HS3ST4: variants seen among roughly 807,000 people sequenced by gnomAD.
The protein encoded by HS3ST4 is heparan sulfate-glucosamine 3-sulfotransferase 4.
HS3ST4 carries 17 observed loss-of-function variants against 29.2 expected under a neutral mutation model. The observed-to-expected ratio is 0.58, with a 90% CI of 0.40 to 0.87. The LOEUF is 0.87. Ranked by LOEUF, HS3ST4 falls within the 40% of genes least tolerant of loss-of-function variation. The pLI is 0.00. For synonymous variants in HS3ST4, 314 were observed against 285.7 expected, an observed-to-expected ratio of 1.10 and a Z score of -1.00; for missense variants, 627 against 634.5, an observed-to-expected ratio of 0.99 and a Z score of 0.13.
At chr16:26,102,633 T>C (rs1325284127) in intron 1 of HS3ST4, among the ~76,000 whole-genome samples, 1 of 152,190 alleles carries the variant, frequency 6.6e-6, no homozygotes, top group East Asian at 1.9e-4. Flanking sequence ...ACAATTGCCA[T>C]GCATTATGTC....
At chr16:25,743,585 A>G (rs1966668112) in intron 1 of HS3ST4, among the ~76,000 whole-genome samples, 2 of 152,028 alleles carry the variant, frequency 1.3e-5, no homozygotes, top group South Asian at 2.1e-4. Context: ...GGCTCACTAC[A>G]ACCTCTGCCT....
intron 1 of HS3ST4, among the ~76,000 whole-genome samples, chr16:26,109,584 C>T (rs1378580728): frequency 6.6e-6 from 1 of 151,050 alleles, no homozygotes; most frequent in East Asian, 2.0e-4. Context: ...GTCCATCACC[C>T]CACACCTCTA....
At chr16:25,874,325 T>C (rs775898320) in intron 1 of HS3ST4, among the ~76,000 whole-genome samples, 7 of 152,276 alleles carry the variant, frequency 4.6e-5, no homozygotes, top group Non-Finnish European at 8.8e-5. Context: ...GTTATTCTCA[T>C]TTTCTAAGTG....
chr16:25,927,106 T>C (rs1234772431), intron 1 of HS3ST4, among the ~76,000 whole-genome samples: 18 of 152,174 alleles, frequency 1.2e-4, no homozygotes, highest in Non-Finnish European at 2.5e-4. Context: ...ACTAACTTAG[T>C]GTGAAACTGT....
intron 1 of HS3ST4, among the ~76,000 whole-genome samples, chr16:25,845,041 C>T (rs1967450768): frequency 6.6e-6 from 1 of 151,498 alleles, no homozygotes; most frequent in Non-Finnish European, 1.5e-5. Flanking sequence ...ACACTGAGGC[C>T]TGTTGGGGGG....
chr16:25,928,986 G>A (rs1211942201), intron 1 of HS3ST4, among the ~76,000 whole-genome samples: 3 of 152,132 alleles, frequency 2.0e-5, no homozygotes, highest in Admixed American at 2.0e-4. Context: ...GAAAGGCTTT[G>A]GTCCAAGGTG....
chr16:25,912,473 G>A (rs567229305), intron 1 of HS3ST4, among the ~76,000 whole-genome samples: 8 of 142,340 alleles, frequency 5.6e-5, no homozygotes, highest in Non-Finnish European at 1.1e-4. Context: ...GGCTGAGTCA[G>A]CAGGAGCACT....
intron 1 of HS3ST4, among the ~76,000 whole-genome samples, chr16:25,859,779 C>T (rs1300160116): frequency 6.6e-6 from 1 of 152,156 alleles, no homozygotes; most frequent in Non-Finnish European, 1.5e-5. Flanking sequence ...CATCATATGT[C>T]ATTCAGGAAT....
intron 1 of HS3ST4, among the ~76,000 whole-genome samples, chr16:26,103,890 C>A (rs975736028): frequency 6.6e-6 from 1 of 152,138 alleles, no homozygotes; most frequent in African/African-American, 2.4e-5. Context: ...AACACCCACA[C>A]CAATATAGAG....
intron 1 of HS3ST4, among the ~76,000 whole-genome samples, chr16:25,980,019 A>T (rs1257298527): frequency 6.6e-6 from 1 of 152,132 alleles, no homozygotes; most frequent in Admixed American, 6.5e-5. Context: ...CCCTCAGATC[A>T]TCTCACTACC....
At chr16:25,926,522 T>C (rs2141685249) in intron 1 of HS3ST4, among the ~76,000 whole-genome samples, 1 of 152,350 alleles carries the variant, frequency 6.6e-6, no homozygotes, top group East Asian at 1.9e-4. Flanking sequence ...CAAACTTTAA[T>C]ACTATCTCTC....
At chr16:25,951,192 G>A (rs1290997515) in intron 1 of HS3ST4, among the ~76,000 whole-genome samples, 1 of 152,194 alleles carries the variant, frequency 6.6e-6, no homozygotes, top group African/African-American at 2.4e-5. Flanking sequence ...TCAGCAGCAG[G>A]CATTCCTACA....
chr16:25,820,590 GTTGTTTATT>G (rs1967143451), intron 1 of HS3ST4, among the ~76,000 whole-genome samples: 2 of 151,638 alleles, frequency 1.3e-5, no homozygotes, highest in Non-Finnish European at 2.9e-5. Context: ...TGTTGTTGTT[GTTGTTTATT>G]TTTATTTTTA....
chr16:25,745,953 A>G (rs1293189290), intron 1 of HS3ST4, among the ~76,000 whole-genome samples: 1 of 152,226 alleles, frequency 6.6e-6, no homozygotes, highest in Non-Finnish European at 1.5e-5. Flanking sequence ...TGTCCACTGC[A>G]TACAGGCTTC....
At chr16:25,775,058 C>T (rs753566622) in intron 1 of HS3ST4, among the ~76,000 whole-genome samples, 13 of 152,278 alleles carry the variant, frequency 8.5e-5, no homozygotes, top group Middle Eastern at 3.4e-3. Context: ...GAGTCGCTGT[C>T]GCACCCACCA....
chr16:26,057,964 A>T (rs1023789376), intron 1 of HS3ST4, among the ~76,000 whole-genome samples: 1 of 150,150 alleles, frequency 6.7e-6, no homozygotes, highest in Non-Finnish European at 1.5e-5. Flanking sequence ...CCACAGTCCT[A>T]CTCAGAAAAT....
chr16:25,931,702 G>C (rs182773793), intron 1 of HS3ST4, among the ~76,000 whole-genome samples: 1 of 152,230 alleles, frequency 6.6e-6, no homozygotes, highest in Admixed American at 6.5e-5. Context: ...GATAGATTCT[G>C]TTTGGTGGGA....
intron 1 of HS3ST4, among the ~76,000 whole-genome samples, chr16:26,097,476 A>C (rs1898940159): frequency 6.6e-6 from 1 of 152,246 alleles, no homozygotes; most frequent in African/African-American, 2.4e-5. Context: ...AAAACAAGAA[A>C]TAGGAAAAGG....
At chr16:25,734,255 T>C (rs1047302207) in intron 1 of HS3ST4, among the ~76,000 whole-genome samples, 3 of 152,368 alleles carry the variant, frequency 2.0e-5, no homozygotes, top group Middle Eastern at 3.4e-3. Flanking sequence ...AAATCTGAAT[T>C]TTTATATGAA....
Sources: allele counts gnomAD v4.1 joint callset (sites outside exome capture counted in the v4.1 genomes callset), GRCh38; gene constraint gnomAD v4.1.1; transcripts MANE v1.5; gene names NCBI Gene and HGNC (gene_info 2026-07-23, HGNC 2026-07-21).